DNAH6: variants seen among roughly 807,000 people sequenced by gnomAD.
DNAH6 encodes the protein axonemal beta dynein heavy chain 6.
A neutral mutation model predicts 491.4 loss-of-function variants in DNAH6; 340 were observed. That is an observed-to-expected ratio of 0.69 (90% CI 0.63 to 0.76). DNAH6 has a LOEUF of 0.76. Among genes scored for constraint, DNAH6 ranks in the 30% least tolerant of loss-of-function variants. The probability of loss-of-function intolerance (pLI) is 0.00; values close to 1 mark genes in which losing one functional copy is unlikely to be tolerated. For missense variants in DNAH6, 4,443 were observed against 4,972.2 expected (o/e 0.89, Z 3.20); for synonymous variants, 1,603 against 1,686.1 (o/e 0.95, Z 1.21).
intron 42 of DNAH6, among the ~76,000 whole-genome samples, chr2:84,682,257 C>T (rs944335025): frequency 4.2e-4 from 64 of 152,220 alleles, no homozygotes; most frequent in African/African-American, 1.4e-3. Context: ...GCAATGTCCA[C>T]GCAACTTTCC....
At chr2:84,507,281 C>T in the DNAH6 span, among the ~76,000 whole-genome samples, 3 of 152,182 alleles carry the variant, frequency 2.0e-5, no homozygotes, top group Non-Finnish European at 2.9e-5. Flanking sequence ...AGGTCCTTCA[C>T]GTCCCCTGTA....
chr2:84,622,213 C>T (rs182897215), intron 26 of DNAH6, among the ~76,000 whole-genome samples: 1 of 152,268 alleles, frequency 6.6e-6, no homozygotes, highest in East Asian at 1.9e-4. Flanking sequence ...ATGACTGACT[C>T]ATTTCATTTA....
intron 47 of DNAH6, 121 bp from the exon 48 acceptor site, chr2:84,699,473 A>G (rs1234832986): frequency 9.6e-6 from 8 of 833,994 alleles, no homozygotes; most frequent in South Asian, 7.5e-5. Flanking sequence ...GAAAATTTAC[A>G]TATCTACTAT....
chr2:84,559,039 A>G (rs1211453859), intron 11 of DNAH6, among the ~76,000 whole-genome samples: 4 of 152,218 alleles, frequency 2.6e-5, no homozygotes, highest in Non-Finnish European at 5.9e-5. Flanking sequence ...TTTATTTCAT[A>G]TCAACATATG....
chr2:84,661,743 C>T (rs1691528366), intron 37 of DNAH6, among the ~76,000 whole-genome samples: 1 of 151,722 alleles, frequency 6.6e-6, no homozygotes, highest in Non-Finnish European at 1.5e-5. Context: ...TTTTAGGCAA[C>T]TTCAATCCCA....
At chr2:84,739,793 T>C (rs1672340471) in intron 62 of DNAH6, among the ~76,000 whole-genome samples, 1 of 152,204 alleles carries the variant, frequency 6.6e-6, no homozygotes, top group Non-Finnish European at 1.5e-5. Context: ...GGATCATTTT[T>C]CTGGCTTCTT....
rs1008690145 is a variant in DNAH6 at position 84,781,621 on chromosome 2, T to C, written c.10832T>C (p.Met3611Thr). ...CTTGCTGTTTCTTGGATGTTGGCAA[T>C]GGAAGAGCTCATTAAAACCTTCACA... is the stretch of plus-strand genomic sequence containing the variant. ...CHLAVSWMLA[M>T]EELIKTFTDP... The change falls in exon 65 of 77, where the codon ATG (methionine) becomes ACG (threonine). Residue 3611 changes from methionine (M) to threonine (T), a missense_variant. This residue lies in a region of DNAH6 where 1,463 missense variants were observed against 1,656.6 expected (regional missense o/e 0.88). Transcript: ENST00000389394. The C allele has an allele frequency of 1.3e-6, 2 of 1,551,844 alleles. No individual in the cohort carries two copies. Among genetic ancestry groups the C allele is most frequent in the Non-Finnish European group, 8.7e-7 (1 of 1,146,974 alleles).
At chr2:84,677,243 C>T (rs146842547) in intron 41 of DNAH6, 107 bp downstream of exon 41, 44 of 1,411,048 alleles carry the variant, frequency 3.1e-5, no homozygotes, top group African/African-American at 2.6e-4. Flanking sequence ...TCCATCTATC[C>T]GTCTCTTTCC....
Position 84,695,641 on chromosome 2 carries a change from A to G in DNAH6, c.7524+1161A>G, listed in dbSNP as rs530608896. Among the ~76,000 whole-genome samples the G allele has an allele frequency of 4.6e-5, 7 of 152,210 alleles. No homozygotes were observed. The South Asian group carries it at 1.2e-3, about 27-fold the overall frequency. On this transcript the variant is annotated intron_variant, in intron 46 of 76. Transcript: ENST00000389394. Reference sequence around the variant, plus strand: ...AGCACTGTGTAAAAACTGTAAAATTATATTTTAGAAGCATCCACATTTTAA... The same window carrying G: ...AGCACTGTGTAAAAACTGTAAAATTGTATTTTAGAAGCATCCACATTTTAA...
At chr2:84,611,550 G>A (rs1406190343) in intron 21 of DNAH6, 124 bp from the exon 22 acceptor site, 1 of 762,900 alleles carries the variant, frequency 1.3e-6, no homozygotes, top group African/African-American at 1.8e-5. Flanking sequence ...AAGGACCTGT[G>A]AGGAGTCATA....
At chr2:84,807,603 C>A (rs754415058) in intron 71 of DNAH6, among the ~76,000 whole-genome samples, 5 of 152,146 alleles carry the variant, frequency 3.3e-5, no homozygotes, top group Non-Finnish European at 5.9e-5. Context: ...GAGATTTAAA[C>A]GCTTGTATGG....
chr2:84,500,489 C>T, the DNAH6 span, among the ~76,000 whole-genome samples: 2 of 152,170 alleles, frequency 1.3e-5, no homozygotes, highest in African/African-American at 4.8e-5. Flanking sequence ...GCTCTTTTTG[C>T]TCAGGATAGC....
At chr2:84,785,575 A>G (rs899077686) in intron 66 of DNAH6, 35 bp from the exon 67 acceptor site, 1 of 1,478,098 alleles carries the variant, frequency 6.8e-7, no homozygotes, top group Non-Finnish European at 9.0e-7. Context: ...CTATAAAATC[A>G]CTCTCTCTGC....
intron 64 of DNAH6, among the ~76,000 whole-genome samples, chr2:84,775,042 G>A (rs1256961771): frequency 1.3e-5 from 2 of 152,004 alleles, no homozygotes; most frequent in Non-Finnish European, 2.9e-5. Flanking sequence ...CCAGTACTAT[G>A]TTAAAAAGGA....
chr2:84,673,359 G>A (rs953707886), intron 40 of DNAH6, among the ~76,000 whole-genome samples: 3 of 152,134 alleles, frequency 2.0e-5, no homozygotes, highest in Non-Finnish European at 2.9e-5. Context: ...GCAGGGGAGG[G>A]ATGAGCTAAC....
intron 70 of DNAH6, among the ~76,000 whole-genome samples, chr2:84,801,592 G>A (rs943887266): frequency 2.0e-5 from 3 of 152,124 alleles, no homozygotes; most frequent in African/African-American, 7.2e-5. Context: ...TTAAAGAAAA[G>A]AAATTCCTGG....
intron 65 of DNAH6, among the ~76,000 whole-genome samples, chr2:84,783,151 C>T (rs1032565574): frequency 3.3e-5 from 5 of 152,024 alleles, no homozygotes; most frequent in African/African-American, 1.2e-4. Context: ...AAAAACAAAA[C>T]AAATAAAACC....
intron 59 of DNAH6, 144 bp from the exon 60 acceptor site, chr2:84,722,481 G>A (rs1660346696): frequency 1.6e-6 from 1 of 619,862 alleles, no homozygotes; most frequent in Non-Finnish European, 2.7e-6. Context: ...CTGAGACTCA[G>A]TCGTTCCACC....
chr2:84,777,652 A>G (rs945436425), intron 64 of DNAH6: 18 of 811,396 alleles, frequency 2.2e-5, no homozygotes, highest in Middle Eastern at 2.2e-4. Flanking sequence ...CACTCCATAC[A>G]GGCACACTGG....
Sources: gnomAD v4.1 joint callset for allele counts (sites outside exome capture counted in the v4.1 genomes callset) on GRCh38, gnomAD v4.1.1 for gene constraint, gnomAD v4.1.1 regional missense constraint, MANE v1.5 for transcripts, NCBI Gene and HGNC (gene_info 2026-07-23, HGNC 2026-07-21) for gene names.